The following CDH11 variants were observed in gnomAD, a reference collection of about 807,000 sequenced individuals.
CDH11 encodes the protein cadherin-11.
Under a neutral mutation model 67.8 loss-of-function variants are expected in CDH11, and 11 were observed. The ratio of observed to expected loss-of-function variants is 0.16; its 90% CI spans 0.10 to 0.27. CDH11 has a LOEUF of 0.27. CDH11 is among the 10% of genes least tolerant of loss of function. CDH11 has a pLI of 1.00. For synonymous variants in CDH11, 419 were observed against 400.0 expected (o/e 1.05, Z -0.57); for missense variants, 847 against 1,031.2 (o/e 0.82, Z 2.45).
chr16:64,951,141 A>T (rs1414920621), intron 11 of CDH11, 123 bp from the exon 12 acceptor site: 2 of 974,422 alleles, frequency 2.1e-6, no homozygotes, highest in African/African-American at 1.6e-5. Context: ...AATCGTTCTT[A>T]CTTGTTCTTT....
chr16:65,051,977 T>C (rs185559186), intron 2 of CDH11, among the ~76,000 whole-genome samples: 1 of 152,264 alleles, frequency 6.6e-6, no homozygotes, highest in East Asian at 1.9e-4. Context: ...TTATAAAATG[T>C]TGGATATTAA....
chr16:65,121,590 C>A lies in CDH11; in HGVS notation c.-298+290G>T, dbSNP rs1567592413. On this transcript the variant is annotated intron_variant, in intron 1 of 12. Coordinates refer to ENST00000268603, the MANE Select transcript of CDH11 (RefSeq NM_001797.4). This position sits in a 1 kb window ranked among gnomAD's most constrained non-coding sequence, Gnocchi z 4.1. ...GTACAAACCCCCTCTGCTGTGGCCT[C>A]GGCGCAGACCCCACAGGAGGCCGGA... 6.6e-6 allele frequency among the ~76,000 whole-genome samples: 1 copy of A among 152,204 alleles called. No homozygotes were observed. The highest frequency in any genetic ancestry group is 2.1e-4 in the South Asian group (1 of 4,830).
chr16:65,031,216 T>C (rs143701699), intron 2 of CDH11, among the ~76,000 whole-genome samples: 1 of 152,256 alleles, frequency 6.6e-6, no homozygotes, highest in African/African-American at 2.4e-5. Context: ...CAAAAAATAA[T>C]AGAAATGCAT....
chr16:64,964,141 T>C (rs1341839380), intron 11 of CDH11, among the ~76,000 whole-genome samples: 2 of 152,236 alleles, frequency 1.3e-5, no homozygotes, highest in East Asian at 3.8e-4. Context: ...GGTATGGTTA[T>C]TCATATATAC....
chr16:65,043,000 T>G (rs2073892222), intron 2 of CDH11, among the ~76,000 whole-genome samples: 2 of 152,148 alleles, frequency 1.3e-5, no homozygotes, highest in Non-Finnish European at 2.9e-5. Flanking sequence ...GCTCTGGTGA[T>G]GGGAGGCTTC....
chr16:64,989,217 TTGTG>T (rs2072568404), intron 6 of CDH11, among the ~76,000 whole-genome samples: 2 of 151,704 alleles, frequency 1.3e-5, no homozygotes, highest in African/African-American at 4.8e-5. Context: ...AAGTGCATGA[TTGTG>T]TGTGAGGGTG....
chr16:64,971,246 T>G (rs117223750), intron 11 of CDH11, among the ~76,000 whole-genome samples: 2 of 152,178 alleles, frequency 1.3e-5, no homozygotes, highest in African/African-American at 4.8e-5. Context: ...GATATCAATA[T>G]TCATAAAGCT....
upstream of CDH11, chr16:65,122,359 G>A: frequency 4.3e-6 from 1 of 233,636 alleles, no homozygotes; most frequent in Non-Finnish European, 8.4e-6. Context: ...GGGCTCAGAT[G>A]GAGTCTGGAG....
intron 11 of CDH11, among the ~76,000 whole-genome samples, chr16:64,958,197 T>A (rs1262196210): frequency 6.6e-6 from 1 of 152,226 alleles, no homozygotes; most frequent in Non-Finnish European, 1.5e-5. Flanking sequence ...CACTGTTGTG[T>A]GTGTTGACAG....
At chr16:65,096,079 A>G (rs1365157208) in intron 1 of CDH11, among the ~76,000 whole-genome samples, 1 of 152,204 alleles carries the variant, frequency 6.6e-6, no homozygotes, top group Admixed American at 6.5e-5. Context: ...ATGCAGAAGT[A>G]TGTGTGTAGT....
At chr16:65,032,580 GA>G (rs2142627115) in intron 2 of CDH11, among the ~76,000 whole-genome samples, 1 of 152,218 alleles carries the variant, frequency 6.6e-6, no homozygotes, top group Non-Finnish European at 1.5e-5. Flanking sequence ...CCAGCTATAA[GA>G]AATAAACCCA....
intron 2 of CDH11, among the ~76,000 whole-genome samples, chr16:65,008,267 C>T (rs932166231): frequency 2.0e-4 from 31 of 152,140 alleles, no homozygotes; most frequent in African/African-American, 7.2e-4. Flanking sequence ...CAATAACATT[C>T]AATCTGTTAA....
chr16:64,980,399 G>GATGT (rs2072301224), intron 8 of CDH11, among the ~76,000 whole-genome samples: 1 of 152,188 alleles, frequency 6.6e-6, no homozygotes, highest in African/African-American at 2.4e-5. Flanking sequence ...GTGTCCCTGT[G>GATGT]ATGTAGCCTG....
intron 1 of CDH11, among the ~76,000 whole-genome samples, chr16:65,070,042 T>A (rs1285181892): frequency 1.3e-5 from 2 of 152,116 alleles, no homozygotes; most frequent in East Asian, 3.9e-4. Flanking sequence ...AATAACCCCA[T>A]CAGCCTGTAG....
At chr16:65,044,847 G>A (rs1318749684) in intron 2 of CDH11, among the ~76,000 whole-genome samples, 1 of 152,042 alleles carries the variant, frequency 6.6e-6, no homozygotes, top group Non-Finnish European at 1.5e-5. Flanking sequence ...CTGAAGCTTG[G>A]GTTTTATACT....
chr16:65,114,105 T>C (rs1202760793), intron 1 of CDH11, among the ~76,000 whole-genome samples: 3 of 152,192 alleles, frequency 2.0e-5, no homozygotes, highest in Non-Finnish European at 2.9e-5. Context: ...GTGCTTTTAA[T>C]GACTAGAGTT....
At chr16:65,018,663 A>G (rs1223923751) in intron 2 of CDH11, among the ~76,000 whole-genome samples, 1 of 152,228 alleles carries the variant, frequency 6.6e-6, no homozygotes, top group African/African-American at 2.4e-5. Context: ...AAAAAGTCAT[A>G]AAGAGATTAC....
At position 65,054,345 on chromosome 16, in the gene CDH11, G is replaced by A. The variant is rs114570420; in HGVS notation, c.-297-417C>T. On this transcript the variant is annotated intron_variant, in intron 1 of 12. Transcript: ENST00000268603. Reference sequence around the variant, plus strand: ...CTTCCTTCCTAAAGTGAGAAGCACCGTTCTGGTGTTGACAGATCCTCTTGA... The same window carrying A: ...CTTCCTTCCTAAAGTGAGAAGCACCATTCTGGTGTTGACAGATCCTCTTGA... Among the ~76,000 whole-genome samples the A allele has an allele frequency of 4.6e-3, 696 of 152,256 alleles. 4 individuals carry two copies. The highest frequency in any genetic ancestry group is 0.016 in the African/African-American group (658 of 41,554).
intron 1 of CDH11, among the ~76,000 whole-genome samples, chr16:65,093,897 T>A (rs1259535632): frequency 6.6e-6 from 1 of 152,202 alleles, no homozygotes; most frequent in African/African-American, 2.4e-5. Context: ...TTTGAATATA[T>A]GTTCCTTGGA....
Sources: gnomAD v4.1 joint callset for allele counts (sites outside exome capture counted in the v4.1 genomes callset) on GRCh38, gnomAD v4.1.1 for gene constraint, Gnocchi (gnomAD v3.1) non-coding constraint, MANE v1.5 for transcripts, NCBI Gene and HGNC (gene_info 2026-07-23, HGNC 2026-07-21) for gene names.